SEC14L6: variants seen among roughly 807,000 people sequenced by gnomAD.
The protein encoded by SEC14L6 is SEC14 like lipid binding 6.
SEC14L6 carries 40 observed loss-of-function variants against 54.1 expected under a neutral mutation model. The observed-to-expected ratio is 0.74, with a 90% confidence interval of 0.57 to 0.96. SEC14L6 has a LOEUF of 0.96. SEC14L6 is among the 40% of genes least tolerant of loss of function. SEC14L6 has a pLI of 0.00. For missense variants in SEC14L6, 471 were observed against 498.3 expected, an observed-to-expected ratio of 0.95 and a Z score of 0.52; for synonymous variants, 171 against 198.4, an observed-to-expected ratio of 0.86 and a Z score of 1.16.
intron 2 of SEC14L6, among the ~76,000 whole-genome samples, chr22:30,538,078 G>T (rs2085630444): frequency 6.6e-6 from 1 of 152,148 alleles, no homozygotes; most frequent in Admixed American, 6.6e-5. Context: ...GATGGCTCAT[G>T]CCTGTAATCC....
intron 5 of SEC14L6, 137 bp downstream of exon 5, chr22:30,532,388 T>C: frequency 7.6e-7 from 1 of 1,313,182 alleles, no homozygotes; most frequent in Non-Finnish European, 1.0e-6. Context: ...CCTTGGCCTC[T>C]CTGAACCTGC....
Position 30,538,830 on chromosome 22 carries a change from G to T in SEC14L6, c.127C>A (p.Gln43Lys). 6.4e-7 allele frequency: 1 copy of T among 1,555,976 alleles called. No homozygotes were observed. The highest frequency in any genetic ancestry group is 8.7e-7 in the Non-Finnish European group (1 of 1,148,824). Residue 43 changes from glutamine to lysine, a missense_variant, in exon 2 of 12, where the codon CAA becomes AAA. Physicochemically the swap from Gln to Lys is moderately conservative, Grantham distance 53 (BLOSUM62 1). Coordinates refer to ENST00000402034, the MANE Select transcript of SEC14L6 (RefSeq NM_001193336.4). ...CAGCCCCACGCTCTATCCTTACCTT[G>T]GAGCCAGCGCAGGAGGAAGTAGTCA... ...PDDYFLLRWL[Q>K]ARSFDLQKSE...
chr22:30,532,798 TC>T lies in SEC14L6; in HGVS notation c.232del (p.Glu78ArgfsTer73), dbSNP rs1472079055. ...GGTATGGGTTTGAGAGATGCTCACCTCTGGGGGCTGCCAGGCAAGGATGTTG... is the reference window on the plus strand; with the variant it reads ...GGTATGGGTTTGAGAGATGCTCACCTTGGGGGCTGCCAGGCAAGGATGTTG... ...LANILAWQPPEVVRLYNANGI... is the reference protein window; with the variant it reads ...LANILAWQPPXVVRLYNANGI... On this transcript the variant is annotated frameshift_variant and splice_region_variant, in exon 4 of 12. Transcript: ENST00000402034. LOFTEE classifies it high-confidence loss of function. The T allele has an allele frequency of 6.2e-7, 1 of 1,613,138 alleles. No homozygotes were observed. Among genetic ancestry groups the T allele is most frequent in the Non-Finnish European group, 8.5e-7 (1 of 1,179,756 alleles).
intron 1 of SEC14L6, chr22:30,543,223 C>T (rs1330728083): frequency 7.5e-6 from 12 of 1,602,182 alleles, no homozygotes; most frequent in African/African-American, 2.7e-5. Flanking sequence ...GGTGCTGACC[C>T]GCGGGGACAT....
At chr22:30,532,141 C>T (rs79259560) in intron 5 of SEC14L6, 143 bp from the exon 6 acceptor site, 29,870 of 1,439,528 alleles carry the variant, frequency 0.021, 447 homozygotes, top group Middle Eastern at 0.053. Flanking sequence ...AAGGGGCCAT[C>T]CCACAGGATG....
Position 30,546,629 on chromosome 22 carries a change from C to A in SEC14L6, c.54G>T (p.Gln18His), listed in dbSNP as rs974300926. The change falls in exon 1 of 12, where the codon CAG becomes CAT. Residue 18 changes from glutamine (Q) to histidine (H), a missense_variant and splice_region_variant. Gln to His is a conservative substitution (Grantham distance 24). Coordinates refer to ENST00000402034, the MANE Select transcript of SEC14L6 (RefSeq NM_001193336.4). ...TGTAGGAGTCTCTCCCTTCACTCAC[C>A]TGGGCCAGCGACTTCTCCTGCGATG... Reference protein sequence around the residue: ...LSPSQEKSLAQFRENIQDVLS... With the variant: ...LSPSQEKSLAHFRENIQDVLS... The A allele has an allele frequency of 2.6e-6, 4 of 1,550,264 alleles. No individual in the cohort carries two copies. In the African/African-American group the frequency reaches 5.5e-5, roughly 21 times the overall value.
intron 2 of SEC14L6, among the ~76,000 whole-genome samples, chr22:30,536,008 G>C (rs1359584109): frequency 6.6e-6 from 1 of 150,976 alleles, no homozygotes; most frequent in African/African-American, 2.4e-5. Flanking sequence ...CCACAGGTGT[G>C]CCACCAGGTC....
intron 1 of SEC14L6, chr22:30,543,316 A>G: frequency 6.4e-7 from 1 of 1,573,544 alleles, no homozygotes. Flanking sequence ...GTCTGAGACT[A>G]TCCAAGTTCC....
intron 1 of SEC14L6, chr22:30,543,275 G>T (rs2085757043): frequency 1.3e-6 from 2 of 1,585,652 alleles, no homozygotes; most frequent in Non-Finnish European, 1.7e-6. Flanking sequence ...GTCACCTTGC[G>T]GGGGGACTCT....
chr22:30,542,636 C>T, intron 1 of SEC14L6: 1 of 1,546,424 alleles, frequency 6.5e-7, no homozygotes, highest in Admixed American at 2.0e-5. Context: ...CTCCCCGCGT[C>T]CTGCGCCTGG....
intron 2 of SEC14L6, among the ~76,000 whole-genome samples, chr22:30,534,785 G>A (rs1183109189): frequency 6.6e-6 from 1 of 152,108 alleles, no homozygotes; most frequent in Non-Finnish European, 1.5e-5. Context: ...AGCATTTTTG[G>A]AGGCCAAGGT....
intron 7 of SEC14L6, 58 bp from the exon 8 acceptor site, chr22:30,529,228 C>T: frequency 6.5e-7 from 1 of 1,539,544 alleles, no homozygotes; most frequent in Non-Finnish European, 8.8e-7. Context: ...CAGGTGCCCA[C>T]CCGGTCACCG....
In SEC14L6 at chr22:30,546,639, G is replaced by A. The variant is rs976374679; in HGVS notation, c.44C>T (p.Ser15Leu). 14 of 1,550,264 alleles carry A rather than the reference G, an allele frequency of 9.0e-6. No homozygotes were observed. Among genetic ancestry groups the A allele is most frequent in the African/African-American group, 8.2e-5 (6 of 72,994 alleles). The change falls in exon 1 of 12, where the codon TCG becomes TTG. Residue 15 changes from serine to leucine, a missense_variant. By Grantham distance (145) the Ser-to-Leu change is moderately radical. Transcript: ENST00000402034. ...TCTCCCTTCACTCACCTGGGCCAGC[G>A]ACTTCTCCTGCGATGGGCTCAGGTC... ...VGDLSPSQEK[S>L]LAQFRENIQD...
chr22:30,546,269 G>C (rs924264050), intron 1 of SEC14L6, among the ~76,000 whole-genome samples: 14 of 151,142 alleles, frequency 9.3e-5, no homozygotes, highest in African/African-American at 3.4e-4. Flanking sequence ...TGTAATCCCA[G>C]CTACTCCGGA....
At chr22:30,526,358 C>A (rs1175700200) in intron 8 of SEC14L6, among the ~76,000 whole-genome samples, 2 of 152,224 alleles carry the variant, frequency 1.3e-5, no homozygotes, top group Non-Finnish European at 2.9e-5. Context: ...TCCCAGGGCT[C>A]CAGCACCCTC....
chr22:30,536,850 C>A (rs1391614060), intron 2 of SEC14L6, among the ~76,000 whole-genome samples: 1 of 151,584 alleles, frequency 6.6e-6, no homozygotes, highest in Non-Finnish European at 1.5e-5. Context: ...CATGGTGAAA[C>A]CCCATCTCTA....
chr22:30,546,228 C>A (rs906766409), intron 1 of SEC14L6, among the ~76,000 whole-genome samples: 4 of 151,670 alleles, frequency 2.6e-5, no homozygotes, highest in Non-Finnish European at 5.9e-5. Flanking sequence ...TACTAACATA[C>A]AAAAATTAGC....
At chr22:30,525,971 G>A (rs770198893) in intron 8 of SEC14L6, 39 bp from the exon 9 acceptor site, 125 of 1,562,816 alleles carry the variant, frequency 8.0e-5, no homozygotes, top group Non-Finnish European at 2.9e-5. Flanking sequence ...AGGGACTCAG[G>A]AGACTCAACA....
In SEC14L6 at chr22:30,524,281, T is replaced by G. The variant is rs1205339428; in HGVS notation, c.*716A>C. ...CTTCCCCCTATGGCACAGCGGCCCC[T>G]CCTCTTGGGAACTGTGAGTAATAAA... On this transcript the variant is annotated 3_prime_UTR_variant, in exon 12 of 12. Transcript: ENST00000402034. 2.0e-5 allele frequency: 3 copies of G among 152,226 alleles called. No homozygotes were observed. The highest frequency in any genetic ancestry group is 2.9e-5 in the Non-Finnish European group (2 of 68,038). The allele number at this position is 152,226 out of a possible 1,614,324, so 9.4% of individuals were successfully genotyped here. A position where few individuals can be genotyped will look rare whatever the true frequency, so the allele number is the denominator to read the frequency against.
Sources: allele counts gnomAD v4.1 joint callset (sites outside exome capture counted in the v4.1 genomes callset), GRCh38; gene constraint gnomAD v4.1.1; transcripts MANE v1.5; gene names NCBI Gene and HGNC (gene_info 2026-07-23, HGNC 2026-07-21).